Variants in RASSF8 observed in about 807,000 individuals in gnomAD.
RASSF8 encodes the protein Ras association domain family member 8, also known as ras association domain-containing protein 8.
RASSF8 carries 22 observed loss-of-function variants against 48.5 expected under a neutral mutation model. The observed-to-expected ratio is 0.45, with a 90% CI of 0.32 to 0.65. The LOEUF (loss-of-function observed/expected upper bound fraction) is 0.65. RASSF8 is among the 30% of genes least tolerant of loss of function. The probability of loss-of-function intolerance (pLI) is 0.03; values close to 1 mark genes in which losing one functional copy is unlikely to be tolerated. For missense variants in RASSF8, 418 were observed against 489.2 expected (o/e 0.85, Z 1.37); for synonymous variants, 127 against 171.5 (o/e 0.74, Z 2.03).
chr12:26,047,791 T>A, intron 2 of RASSF8, among the ~76,000 whole-genome samples: 1 of 152,204 alleles, frequency 6.6e-6, no homozygotes, highest in Admixed American at 6.5e-5. Context: ...GGTCAGATTG[T>A]AGGCATGGCT....
intron 2 of RASSF8, among the ~76,000 whole-genome samples, chr12:26,003,473 A>G (rs1942310861): frequency 6.6e-6 from 1 of 152,230 alleles, no homozygotes; most frequent in African/African-American, 2.4e-5. Flanking sequence ...ATACAGTGCA[A>G]CTAGAAGGCA....
rs1230368001 is a variant in RASSF8 at position 25,958,861 on chromosome 12, C to A, written c.-490C>A. 6.8e-6 allele frequency: 1 copy of A among 147,020 alleles called. No homozygotes were observed. Among genetic ancestry groups the A allele is most frequent in the Non-Finnish European group, 1.5e-5 (1 of 66,024 alleles). The allele number at this position is 147,020 out of a possible 1,614,324, so 9.1% of individuals were successfully genotyped here. A position where few individuals can be genotyped will look rare whatever the true frequency, so the allele number is the denominator to read the frequency against. On this transcript the variant is annotated 5_prime_UTR_variant, in exon 1 of 6. Transcript: ENST00000689635. ...GGCGGCGTTGGCGCTGGGGGCGGCT[C>A]CCGCGGCGTCTCTGCCGCTGGCCGA...
intron 2 of RASSF8, among the ~76,000 whole-genome samples, chr12:26,018,444 T>A (rs531533805): frequency 6.6e-6 from 1 of 152,282 alleles, no homozygotes; most frequent in South Asian, 2.1e-4. Context: ...CAGATAAAAT[T>A]TATGTACTAA....
At chr12:26,074,399 A>G (rs1174709971), downstream of RASSF8, among the ~76,000 whole-genome samples, 2 of 152,086 alleles carry the variant, frequency 1.3e-5, no homozygotes, top group African/African-American at 4.8e-5. Flanking sequence ...CTGGACGGCA[A>G]TGGCCTGATC....
intron 2 of RASSF8, among the ~76,000 whole-genome samples, chr12:26,040,066 ATTTAT>A (rs1393601888): frequency 6.6e-6 from 1 of 152,194 alleles, no homozygotes; most frequent in Non-Finnish European, 1.5e-5. Context: ...TCTCAGCGCC[ATTTAT>A]TTGAGCATTA....
intron 2 of RASSF8, among the ~76,000 whole-genome samples, chr12:26,032,697 A>C (rs188417787): frequency 5.9e-5 from 9 of 152,344 alleles, no homozygotes; most frequent in Admixed American, 3.9e-4. Flanking sequence ...AGATTTCATT[A>C]GCATGCGTAA....
At chr12:25,966,672 T>C (rs1036546077) in intron 1 of RASSF8, among the ~76,000 whole-genome samples, 14 of 152,252 alleles carry the variant, frequency 9.2e-5, no homozygotes, top group African/African-American at 3.4e-4. Flanking sequence ...AATTCTTATA[T>C]ATTTTGAATA....
intron 4 of RASSF8, 49 bp from the exon 5 acceptor site, chr12:26,067,520 T>C (rs1270373834): frequency 6.6e-7 from 1 of 1,518,048 alleles, no homozygotes; most frequent in Non-Finnish European, 9.0e-7. Context: ...TGTCTTGCAC[T>C]GTCCAGTAGT....
At chr12:26,076,223 A>G (rs745778522), downstream of RASSF8, among the ~76,000 whole-genome samples, 9 of 150,400 alleles carry the variant, frequency 6.0e-5, no homozygotes, top group Non-Finnish European at 1.3e-4. Context: ...CTCTACACCA[A>G]TCGTGACTGT....
At chr12:26,073,487 A>G (rs1448861001), downstream of RASSF8, among the ~76,000 whole-genome samples, 1 of 152,190 alleles carries the variant, frequency 6.6e-6, no homozygotes, top group Non-Finnish European at 1.5e-5. Context: ...CTATAATCCC[A>G]GCACTTTGGG....
chr12:26,071,008 C>T lies in RASSF8; in HGVS notation c.*2190C>T. The T allele has an allele frequency of 4.1e-6, 4 of 985,236 alleles. No homozygotes were observed. The highest frequency in any genetic ancestry group is 4.8e-6 in the Non-Finnish European group (4 of 829,782). The allele number at this position is 985,236 out of a possible 1,614,324, so 61.0% of individuals were successfully genotyped here. On this transcript the variant is annotated 3_prime_UTR_variant, in exon 6 of 6. Coordinates refer to ENST00000689635, the MANE Select transcript of RASSF8 (RefSeq NM_001394098.1). ...CAGTTAACCTCTCTGACAACTTCAT[C>T]AGAATTTCCAAGCTGCCAAATAATC...
intron 1 of RASSF8, among the ~76,000 whole-genome samples, chr12:25,973,204 A>AT (rs11344037): frequency 0.05 from 7,245 of 145,316 alleles, 198 homozygotes; most frequent in Middle Eastern, 0.091. Context: ...AAAGATCGCT[A>AT]TTTTTTTTTT....
intron 2 of RASSF8, among the ~76,000 whole-genome samples, chr12:26,017,532 T>A (rs1942679965): frequency 6.6e-6 from 1 of 152,242 alleles, no homozygotes; most frequent in African/African-American, 2.4e-5. Flanking sequence ...TCAGGCTCAC[T>A]GGAAAGCAGA....
chr12:25,970,924 C>T (rs1217101992), intron 1 of RASSF8, among the ~76,000 whole-genome samples: 1 of 152,238 alleles, frequency 6.6e-6, no homozygotes, highest in Non-Finnish European at 1.5e-5. Flanking sequence ...TAAAACCAGC[C>T]TGGCTGTCCC....
At chr12:26,018,889 G>A (rs1412959467) in intron 2 of RASSF8, among the ~76,000 whole-genome samples, 3 of 152,204 alleles carry the variant, frequency 2.0e-5, no homozygotes. Context: ...CCTTTCTCAA[G>A]AGCTGGACTA....
chr12:26,006,955 A>T (rs868020275), intron 2 of RASSF8, among the ~76,000 whole-genome samples: 1 of 152,180 alleles, frequency 6.6e-6, no homozygotes, highest in Non-Finnish European at 1.5e-5. Flanking sequence ...TACAATTCTG[A>T]TGTCTCAAAA....
rs74073216 is a variant in RASSF8 at position 26,016,261 on chromosome 12, A to G, written c.-109+21131A>G. 9.2e-3 allele frequency among the ~76,000 whole-genome samples: 1,360 copies of G among 147,042 alleles called. 24 individuals are homozygous for G. Among genetic ancestry groups the G allele is most frequent in the African/African-American group, 0.033 (1,301 of 39,732 alleles). On this transcript the variant is annotated intron_variant, in intron 2 of 5. Transcript: ENST00000689635. ...TTGGTTTTTGTTTTGCTTCTGGATT[A>G]TATAAAATGAATCTCCCTGGTTTTA...
chr12:26,057,685 T>A (rs1413910088), intron 3 of RASSF8, among the ~76,000 whole-genome samples: 1 of 152,190 alleles, frequency 6.6e-6, no homozygotes, highest in Non-Finnish European at 1.5e-5. Flanking sequence ...TAGTTCTAGA[T>A]CCTTGAGGAA....
chr12:26,022,662 AAG>A lies in RASSF8; in HGVS notation c.-109+27534_-109+27535del, dbSNP rs1289184658. 7.2e-5 allele frequency among the ~76,000 whole-genome samples: 11 copies of A among 152,048 alleles called. No homozygotes were observed. In the East Asian group the frequency reaches 1.4e-3, roughly 19 times the overall value. ...TAGAAATTATAAAAAAATTATAAAA[AAG>A]AATCAAATTGAAATTCTAGAGTAAA... is the stretch of plus-strand genomic sequence containing the variant. On this transcript the variant is annotated intron_variant, in intron 2 of 5. Transcript: ENST00000689635.
Sources: allele counts gnomAD v4.1 joint callset (sites outside exome capture counted in the v4.1 genomes callset), GRCh38; gene constraint gnomAD v4.1.1; transcripts MANE v1.5; gene names NCBI Gene and HGNC (gene_info 2026-07-23, HGNC 2026-07-21).